The following BNC2 variants were observed in gnomAD, a reference collection of about 807,000 sequenced individuals.
The protein encoded by BNC2 is basonuclin zinc finger protein 2, also known as zinc finger protein basonuclin-2.
Under a neutral mutation model 76.3 loss-of-function variants are expected in BNC2, and 20 were observed. The observed-to-expected ratio is 0.26, with a 90% CI of 0.18 to 0.38. BNC2 has a LOEUF of 0.38. Ranked by LOEUF, BNC2 falls within the 10% of genes least tolerant of loss-of-function variation. BNC2 has a pLI of 1.00. For synonymous variants in BNC2, 582 were observed against 514.8 expected, an observed-to-expected ratio of 1.13 and a Z score of -1.77; for missense variants, 1,382 against 1,399.8, an observed-to-expected ratio of 0.99 and a Z score of 0.20.
Position 16,679,782 on chromosome 9 carries a change from C to A in BNC2, c.330+48015G>T, listed in dbSNP as rs150274204. Among the ~76,000 whole-genome samples the A allele has an allele frequency of 1.7e-3, 265 of 152,352 alleles. 2 individuals are homozygous for A. Among genetic ancestry groups the A allele is most frequent in the Middle Eastern group, 0.017 (5 of 294 alleles). On this transcript the variant is annotated intron_variant, in intron 3 of 6. Coordinates refer to ENST00000380672, the MANE Select transcript of BNC2 (RefSeq NM_017637.6). ...ACCAGCAAATGCATTAGCAAGGGCACATTATGTGAAGTGATCTAAACTCGG... is the reference window on the plus strand; with the variant it reads ...ACCAGCAAATGCATTAGCAAGGGCAAATTATGTGAAGTGATCTAAACTCGG...
At chr9:16,676,135 A>C (rs1822633660) in intron 3 of BNC2, among the ~76,000 whole-genome samples, 1 of 152,224 alleles carries the variant, frequency 6.6e-6, no homozygotes, top group Admixed American at 6.5e-5. Context: ...AATTGAAAAC[A>C]CAAATTGAGA....
At chr9:16,821,547 G>C (rs1271281913) in intron 1 of BNC2, among the ~76,000 whole-genome samples, 5 of 152,194 alleles carry the variant, frequency 3.3e-5, no homozygotes, top group African/African-American at 1.2e-4. Context: ...CTGGCAGTCA[G>C]TGTCTTAGCT....
Position 16,636,981 on chromosome 9 carries a change from A to G in BNC2, c.331-53896T>C, listed in dbSNP as rs1821347809. Among the ~76,000 whole-genome samples the G allele has an allele frequency of 2.6e-5, 4 of 151,860 alleles. No homozygotes were observed. In the South Asian group the frequency reaches 8.3e-4, roughly 32 times the overall value. On this transcript the variant is annotated intron_variant, in intron 3 of 6. Transcript: ENST00000380672. ...AGCTCACATAGTGCTTTCCTAGCTA[A>G]TGGGAAAAACAAGCTAGAAGACCCT...
At chr9:16,424,585 A>G (rs1053071928) in intron 6 of BNC2, among the ~76,000 whole-genome samples, 10 of 152,216 alleles carry the variant, frequency 6.6e-5, no homozygotes, top group African/African-American at 2.2e-4. Context: ...TAGCGTAACA[A>G]TAACATATAC....
chr9:16,421,091 A>G (rs1289026417), intron 6 of BNC2, among the ~76,000 whole-genome samples: 1 of 152,184 alleles, frequency 6.6e-6, no homozygotes, highest in Non-Finnish European at 1.5e-5. Flanking sequence ...CCATTTGGTG[A>G]CAAACGTGGG....
At chr9:16,632,970 T>C (rs1353385600) in intron 3 of BNC2, among the ~76,000 whole-genome samples, 1 of 152,172 alleles carries the variant, frequency 6.6e-6, no homozygotes, top group African/African-American at 2.4e-5. Context: ...ACTGATCATA[T>C]TAAAATCCAG....
At chr9:16,560,400 A>G (rs562524157) in intron 4 of BNC2, among the ~76,000 whole-genome samples, 2 of 152,318 alleles carry the variant, frequency 1.3e-5, no homozygotes, top group Non-Finnish European at 2.9e-5. Context: ...TAGGATTAGG[A>G]AAGTATTAAA....
intron 5 of BNC2, among the ~76,000 whole-genome samples, chr9:16,501,318 G>A (rs1822512512): frequency 6.6e-6 from 1 of 152,170 alleles, no homozygotes; most frequent in Admixed American, 6.5e-5. Flanking sequence ...AACAAGGGAA[G>A]TAACTTATCT....
At position 16,539,680 on chromosome 9, in the gene BNC2, A is replaced by G. The variant is rs141012399; in HGVS notation, c.669+12850T>C. Reference sequence around the variant, plus strand: ...GAAGGGAGGGAGGGAGGGAGGGAGGAAGGAAGGAAGGGAGAAAGGAAGGGA... The same window carrying G: ...GAAGGGAGGGAGGGAGGGAGGGAGGGAGGAAGGAAGGGAGAAAGGAAGGGA... On this transcript the variant is annotated intron_variant, in intron 5 of 6. Transcript: ENST00000380672. 2.4e-3 allele frequency among the ~76,000 whole-genome samples: 124 copies of G among 50,828 alleles called. 1 individual carries two copies. The highest frequency in any genetic ancestry group is 3.5e-3 in the Non-Finnish European group (75 of 21,530). 33.3% of individuals were successfully genotyped at this position (50,828 alleles called of 152,430 possible).
chr9:16,814,920 T>C (rs917977413), intron 1 of BNC2, among the ~76,000 whole-genome samples: 2 of 152,184 alleles, frequency 1.3e-5, no homozygotes, highest in Non-Finnish European at 2.9e-5. Flanking sequence ...CTTTACCTTA[T>C]GATCTCCAAG....
At chr9:16,843,388 G>C (rs551036061) in intron 1 of BNC2, among the ~76,000 whole-genome samples, 1 of 152,352 alleles carries the variant, frequency 6.6e-6, no homozygotes, top group African/African-American at 2.4e-5. Context: ...GGAGTGCAGT[G>C]GCAAAAATCT....
At chr9:16,755,362 C>T (rs780472422) in intron 1 of BNC2, among the ~76,000 whole-genome samples, 12 of 151,984 alleles carry the variant, frequency 7.9e-5, no homozygotes, top group African/African-American at 1.2e-4. Flanking sequence ...CAGAACATAC[C>T]CTATTAACAG....
At chr9:16,478,414 T>C (rs1821973304) in intron 5 of BNC2, among the ~76,000 whole-genome samples, 1 of 152,200 alleles carries the variant, frequency 6.6e-6, no homozygotes, top group South Asian at 2.1e-4. Context: ...AAGAAGGAGA[T>C]AATACCACCG....
chr9:16,778,596 T>C (rs1826033626), intron 1 of BNC2, among the ~76,000 whole-genome samples: 2 of 152,198 alleles, frequency 1.3e-5, no homozygotes, highest in Admixed American at 6.5e-5. Context: ...GCATCTGTAT[T>C]TTGCAGATAA....
intron 3 of BNC2, among the ~76,000 whole-genome samples, chr9:16,710,965 A>G (rs999136524): frequency 1.3e-5 from 2 of 152,066 alleles, no homozygotes; most frequent in African/African-American, 2.4e-5. Context: ...TGAGAAAGCA[A>G]TTTTCTATTC....
At chr9:16,485,776 T>C (rs1430239195) in intron 5 of BNC2, among the ~76,000 whole-genome samples, 1 of 152,046 alleles carries the variant, frequency 6.6e-6, no homozygotes, top group African/African-American at 2.4e-5. Context: ...ACCACTGCAC[T>C]CTAGCCTGGG....
intron 3 of BNC2, among the ~76,000 whole-genome samples, chr9:16,711,727 A>G (rs1823852535): frequency 6.6e-6 from 1 of 152,218 alleles, no homozygotes; most frequent in African/African-American, 2.4e-5. Context: ...GAGAGAAGGA[A>G]TATATTCTAC....
intron 3 of BNC2, among the ~76,000 whole-genome samples, chr9:16,642,626 A>C (rs1329988604): frequency 6.6e-6 from 1 of 152,226 alleles, no homozygotes; most frequent in Non-Finnish European, 1.5e-5. Context: ...ATTTGGCAGT[A>C]GGAAGACTGT....
intron 5 of BNC2, among the ~76,000 whole-genome samples, chr9:16,454,085 A>ATC (rs1202634037): frequency 1.3e-5 from 2 of 152,052 alleles, no homozygotes; most frequent in African/African-American, 2.4e-5. Flanking sequence ...ATCAAATGTT[A>ATC]TCTCTCTCTC....
Sources: gnomAD v4.1 joint callset for allele counts (sites outside exome capture counted in the v4.1 genomes callset) on GRCh38, gnomAD v4.1.1 for gene constraint, MANE v1.5 for transcripts, NCBI Gene and HGNC (gene_info 2026-07-23, HGNC 2026-07-21) for gene names.